NEBL: variants seen among roughly 807,000 people sequenced by gnomAD.
NEBL encodes nebulette.
NEBL carries 122 observed loss-of-function variants against 140.2 expected under a neutral mutation model. The observed-to-expected ratio is 0.87, with a 90% CI of 0.75 to 1.01. NEBL has a LOEUF of 1.01. Among genes scored for constraint, NEBL ranks in the 50% least tolerant of loss-of-function variants. The pLI is 0.00. For synonymous variants in NEBL, 436 were observed against 398.9 expected (o/e 1.09, Z -1.11); for missense variants, 1,365 against 1,231.3 (o/e 1.11, Z -1.62).
intron 2 of NEBL, among the ~76,000 whole-genome samples, chr10:21,025,738 C>CT (rs1265772687): frequency 6.6e-6 from 1 of 152,138 alleles, no homozygotes. Flanking sequence ...TACCTTCCAT[C>CT]TGTGTGCCTT....
chr10:21,206,131 T>A (rs1373997597), intron 3 of NEBL, among the ~76,000 whole-genome samples: 1 of 152,206 alleles, frequency 6.6e-6, no homozygotes, highest in Non-Finnish European at 1.5e-5. Flanking sequence ...CAAAAAGTCC[T>A]GGCCAATAAA....
chr10:20,813,067 A>C (rs1443095234), intron 23 of NEBL, 127 bp from the exon 24 acceptor site: 5 of 785,590 alleles, frequency 6.4e-6, no homozygotes, highest in Admixed American at 2.1e-5. Context: ...TATCTTTTCC[A>C]AATACTCCAA....
In NEBL at chr10:21,104,944, G is replaced by A. The variant is rs562240042; in HGVS notation, c.164+67439C>T. Among the ~76,000 whole-genome samples, 6 of 152,202 alleles carry A rather than the reference G, an allele frequency of 3.9e-5. No individual in the cohort carries two copies. The South Asian group carries it at 1.0e-3, about 26-fold the overall frequency. ...AGTTATTATCAAGAATTGATGTTGC[G>A]CATAGTAAAATGCTTTTCTACACCA... On this transcript the variant is annotated intron_variant, in intron 2 of 6. Coordinates refer to the NEBL transcript ENST00000417816.
At chr10:21,269,869 C>T (rs1332206123) in intron 1 of NEBL, among the ~76,000 whole-genome samples, 1 of 152,190 alleles carries the variant, frequency 6.6e-6, no homozygotes, top group African/African-American at 2.4e-5. Context: ...CTCATTGTCA[C>T]TTGACTTAGA....
chr10:21,235,689 A>G (rs1291383131), intron 3 of NEBL, among the ~76,000 whole-genome samples: 2 of 152,228 alleles, frequency 1.3e-5, no homozygotes, highest in Non-Finnish European at 2.9e-5. Context: ...TGGGGGCAGC[A>G]GATTAACTAG....
chr10:21,094,026 A>C (rs1213519092), intron 2 of NEBL, among the ~76,000 whole-genome samples: 2 of 152,106 alleles, frequency 1.3e-5, no homozygotes, highest in Non-Finnish European at 2.9e-5. Flanking sequence ...AAGCATCACT[A>C]CTCAACTTAA....
intron 2 of NEBL, chr10:21,172,362 C>T: frequency 1.3e-6 from 2 of 1,575,626 alleles, no homozygotes; most frequent in South Asian, 2.2e-5. Flanking sequence ...CACACCTGGA[C>T]AGCGTGTTGA....
intron 3 of NEBL, among the ~76,000 whole-genome samples, chr10:21,221,880 T>C (rs1289241978): frequency 1.3e-5 from 2 of 151,952 alleles, no homozygotes; most frequent in Admixed American, 6.6e-5. Flanking sequence ...TTCATCTTTG[T>C]ATTGTTCCTT....
chr10:21,143,195 T>C (rs1839724794), intron 2 of NEBL, among the ~76,000 whole-genome samples: 2 of 152,226 alleles, frequency 1.3e-5, no homozygotes, highest in South Asian at 4.1e-4. Context: ...ACACCTGTAA[T>C]CCCAGCACTT....
intron 4 of NEBL, among the ~76,000 whole-genome samples, chr10:20,953,889 C>A (rs1472090987): frequency 6.6e-6 from 1 of 152,028 alleles, no homozygotes; most frequent in Non-Finnish European, 1.5e-5. Flanking sequence ...GTGCTCTGTA[C>A]TGAGCTCTAT....
In NEBL at chr10:21,273,373, T is replaced by C. The variant is rs146904955; in HGVS notation, n.182+19457A>G. Among the ~76,000 whole-genome samples, 88 of 152,268 alleles carry C rather than the reference T, an allele frequency of 5.8e-4. 1 individual carries two copies. Among genetic ancestry groups the C allele is most frequent in the African/African-American group, 2.0e-3 (84 of 41,552 alleles). On this transcript the variant is annotated intron_variant and non_coding_transcript_variant, in intron 1 of 8. Coordinates refer to the NEBL transcript ENST00000675702. ...CAGGGAAATAGATTTCATTTCTGTA[T>C]AAGAATAAATTTCCTAATAGTCCTG...
At chr10:21,202,554 C>T (rs1431592849) in intron 3 of NEBL, among the ~76,000 whole-genome samples, 4 of 151,188 alleles carry the variant, frequency 2.6e-5, no homozygotes, top group South Asian at 2.1e-4. Flanking sequence ...AGCTCCGCCC[C>T]GCTGTTGACG....
intron 4 of NEBL, among the ~76,000 whole-genome samples, chr10:20,935,141 A>G (rs1834409825): frequency 6.6e-6 from 1 of 152,194 alleles, no homozygotes; most frequent in Non-Finnish European, 1.5e-5. Context: ...AAGAGAGGAA[A>G]TTCAATCAGT....
chr10:21,177,639 C>A (rs1841324441), upstream of NEBL, among the ~76,000 whole-genome samples: 1 of 151,960 alleles, frequency 6.6e-6, no homozygotes, highest in Non-Finnish European at 1.5e-5. Flanking sequence ...ACTCCATTCT[C>A]CTGCCTCAGC....
intron 3 of NEBL, among the ~76,000 whole-genome samples, chr10:20,992,969 G>A (rs1230060224): frequency 6.6e-6 from 1 of 151,322 alleles, no homozygotes; most frequent in East Asian, 2.0e-4. Context: ...TTTTTTAGTA[G>A]AGACGGGGTT....
chr10:21,043,366 A>G (rs1318697032), intron 2 of NEBL, among the ~76,000 whole-genome samples: 1 of 152,256 alleles, frequency 6.6e-6, no homozygotes, highest in Non-Finnish European at 1.5e-5. Flanking sequence ...AAAGCCTGCA[A>G]TCTTACAAAA....
chr10:21,130,121 GA>G (rs34566532), intron 2 of NEBL, among the ~76,000 whole-genome samples: 73,428 of 151,838 alleles, frequency 0.48, 21,388 homozygotes, highest in African/African-American at 0.81. Context: ...AAACAGGGTA[GA>G]ACTTCAAAAC....
At chr10:21,060,881 C>G (rs1835242219) in intron 2 of NEBL, among the ~76,000 whole-genome samples, 2 of 152,074 alleles carry the variant, frequency 1.3e-5, no homozygotes. Context: ...ATCCATCCTT[C>G]CTGCCTAAAG....
At chr10:21,187,396 C>T (rs919059656) in intron 3 of NEBL, among the ~76,000 whole-genome samples, 11 of 152,102 alleles carry the variant, frequency 7.2e-5, no homozygotes, top group East Asian at 1.9e-4. Context: ...CTTTCCCCCA[C>T]GGGGATGACG....
Sources: allele counts gnomAD v4.1 joint callset (sites outside exome capture counted in the v4.1 genomes callset), GRCh38; gene constraint gnomAD v4.1.1; transcripts MANE v1.5; gene names NCBI Gene and HGNC (gene_info 2026-07-23, HGNC 2026-07-21).